DUOX2: variants seen among roughly 807,000 people sequenced by gnomAD.
DUOX2 encodes the protein NADH/NADPH thyroid oxidase p138-tox.
DUOX2 carries 185 observed loss-of-function variants against 183.3 expected under a neutral mutation model. That is an observed-to-expected ratio of 1.01 (90% CI 0.90 to 1.14). The LOEUF (loss-of-function observed/expected upper bound fraction) is 1.14, where lower values mean the gene tolerates loss of function less well. Ranked by LOEUF, DUOX2 falls within the 50% of genes most tolerant of loss-of-function variation. The pLI is 0.00. For synonymous variants in DUOX2, 788 were observed against 812.4 expected, an observed-to-expected ratio of 0.97 and a Z score of 0.51; for missense variants, 1,999 against 2,022.9, an observed-to-expected ratio of 0.99 and a Z score of 0.23.
chr15:45,107,063 ATC>A, intron 14 of DUOX2, 94 bp from the exon 15 acceptor site: 4 of 1,528,300 alleles, frequency 2.6e-6, no homozygotes, highest in Non-Finnish European at 3.6e-6. Context: ...CCAAGGTATC[ATC>A]TGTCTTCCCC....
intron 32 of DUOX2, 45 bp downstream of exon 32, chr15:45,094,891 T>C: frequency 3.7e-6 from 6 of 1,611,772 alleles, no homozygotes; most frequent in Non-Finnish European, 5.1e-6. Flanking sequence ...ACGCTGCCAA[T>C]CCATCTGCCC....
rs1411636626 is a variant in DUOX2 at position 45,106,901 on chromosome 15, G to C, written c.1762C>G (p.Leu588Val). 1 of 1,583,862 alleles carries C rather than the reference G, an allele frequency of 6.3e-7. No individual in the cohort carries two copies. Among genetic ancestry groups the C allele is most frequent in the Admixed American group, 1.9e-5 (1 of 53,330 alleles). ...GLPQCAPLTV[L>V]DFFEGSSPGF... The stretch of plus-strand genomic sequence containing the variant: ...GGGCTGCTGCCTTCAAAGAAGTCAA[G>C]CACAGTCAGGGGTGCACACTGGGGC... Residue 588 changes from leucine (L) to valine (V), a missense_variant, in exon 15 of 34, where the codon CTT (leucine) becomes GTT (valine). Physicochemically the swap from Leu to Val is conservative, Grantham distance 32 (BLOSUM62 1). This residue lies in a region of DUOX2 where 1,628 missense variants were observed against 1,608.6 expected (regional missense o/e 1.01). Coordinates refer to ENST00000389039, the MANE Select transcript of DUOX2 (RefSeq NM_001363711.2).
intron 22 of DUOX2, 78 bp from the exon 23 acceptor site, chr15:45,100,916 G>C: frequency 2.9e-6 from 3 of 1,020,284 alleles, no homozygotes; most frequent in Non-Finnish European, 4.6e-6. Context: ...GCATGGGGTA[G>C]AGGTAGGGAG....
In DUOX2 at chr15:45,099,864, G is replaced by A; in HGVS notation, c.3213C>T (p.Asp1071=). The change falls in exon 25 of 34, where the codon GAC becomes GAT. Residue 1071 remains aspartate, a synonymous_variant. Coordinates refer to ENST00000389039, the MANE Select transcript of DUOX2 (RefSeq NM_001363711.2). ...TGCCCACGAGGGTGGTCTGTGCAATGTCCGAGGGTGGCGAGGCAAAGCCAT... is the reference window on the plus strand; with the variant it reads ...TGCCCACGAGGGTGGTCTGTGCAATATCCGAGGGTGGCGAGGCAAAGCCAT... ...YYYGFASPPS[D]IAQTTLVGII... The A allele has an allele frequency of 6.2e-7, 1 of 1,614,148 alleles. No individual in the cohort carries two copies. The highest frequency in any genetic ancestry group is 8.5e-7 in the Non-Finnish European group (1 of 1,179,986).
Position 45,106,770 on chromosome 15 carries a change from C to A in DUOX2, c.1831+62G>T. On this transcript the variant is annotated intron_variant, in intron 15 of 33. Transcript: ENST00000389039. The stretch of plus-strand genomic sequence containing the variant: ...CTCAAACGGTACCAAATAGCCAGCC[C>A]CTCAGGCCAGCAGGAAATGAGGGGC... The A allele has an allele frequency of 6.3e-6, 10 of 1,599,692 alleles. No homozygotes were observed. In the South Asian group the frequency reaches 1.1e-4, roughly 18 times the overall value.
At chr15:45,110,788 TTCCG>T in intron 7 of DUOX2, 78 bp from the exon 8 acceptor site, 1 of 1,605,930 alleles carries the variant, frequency 6.2e-7, no homozygotes, top group African/African-American at 1.3e-5. Flanking sequence ...CAAGGACGGC[TTCCG>T]TGTGGAGATG....
intron 4 of DUOX2, 114 bp downstream of exon 4, chr15:45,112,440 G>A: frequency 1.5e-6 from 2 of 1,317,028 alleles, no homozygotes; most frequent in Non-Finnish European, 2.1e-6. Flanking sequence ...GCGTAGAGAG[G>A]AAGTGGTTGG....
chr15:45,099,462 CGTGGCCAGCACT>C lies in DUOX2; in HGVS notation c.3424_3435del (p.Ser1142_His1145del). 6.2e-7 allele frequency: 1 copy of C among 1,613,922 alleles called. No individual in the cohort carries two copies. Among genetic ancestry groups the C allele is most frequent in the Non-Finnish European group, 8.5e-7 (1 of 1,180,004 alleles). On this transcript the variant is annotated inframe_deletion, in exon 26 of 34. Transcript: ENST00000389039. ...ACTGAGAAGATGTAGACATTGACTG[CGTGGCCAGCACT>C]GTGCAAAACTGGAAGAGACAGACCC...
chr15:45,111,678 G>A (rs902756542), intron 5 of DUOX2, 90 bp downstream of exon 5: 6 of 1,443,548 alleles, frequency 4.2e-6, no homozygotes, highest in African/African-American at 3.0e-5. Flanking sequence ...TGGGGAGTGG[G>A]CGCCTCTCCC....
In DUOX2 at chr15:45,111,510, T is replaced by G; in HGVS notation, c.589A>C (p.Ser197Arg). Reference sequence around the variant, plus strand: ...GACGCCAGCTGTCCCCCCGAGAAGCTCCGCAGCGCGTCGCTCCAGGAGTGC... The same window carrying G: ...GACGCCAGCTGTCCCCCCGAGAAGCGCCGCAGCGCGTCGCTCCAGGAGTGC... ...SSHSWSDALR[S>R]FSGGQLASGP... The change falls in exon 6 of 34, where the codon AGC becomes CGC. Residue 197 changes from serine (S) to arginine (R), a missense_variant. Ser to Arg is a moderately radical substitution (Grantham distance 110). Coordinates refer to ENST00000389039, the MANE Select transcript of DUOX2 (RefSeq NM_001363711.2). The G allele has an allele frequency of 6.4e-7, 1 of 1,551,668 alleles. No individual in the cohort carries two copies. Among genetic ancestry groups the G allele is most frequent in the Non-Finnish European group, 8.7e-7 (1 of 1,151,316 alleles).
At chr15:45,101,343 C>A in intron 21 of DUOX2, 69 bp from the exon 22 acceptor site, 1 of 1,348,696 alleles carries the variant, frequency 7.4e-7, no homozygotes, top group East Asian at 2.3e-5. Flanking sequence ...GGAGACTGTG[C>A]CCTCCTCCCT....
chr15:45,112,858 A>G (rs1048764093), intron 3 of DUOX2, 129 bp downstream of exon 3: 9 of 1,546,318 alleles, frequency 5.8e-6, no homozygotes, highest in East Asian at 4.5e-5. Context: ...CCGGGAGCGC[A>G]TAAGATTGCG....
chr15:45,111,959 C>A lies in DUOX2; in HGVS notation c.326-4G>T. 1 of 1,613,204 alleles carries A rather than the reference C, an allele frequency of 6.2e-7. No individual in the cohort carries two copies. Reference sequence around the variant, plus strand: ...ACGTCGGAAAGAACATGGTAGCCTGCGGGCATGGGGCGCCAATACGTGACA... The same window carrying A: ...ACGTCGGAAAGAACATGGTAGCCTGAGGGCATGGGGCGCCAATACGTGACA... On this transcript the variant is annotated splice_polypyrimidine_tract_variant and splice_region_variant and intron_variant, in intron 4 of 33. Coordinates refer to ENST00000389039, the MANE Select transcript of DUOX2 (RefSeq NM_001363711.2).
At position 45,095,900 on chromosome 15, in the gene DUOX2, C is replaced by T. The variant is rs947907970; in HGVS notation, c.4008G>A (p.Val1336=). The change falls in exon 30 of 34, where the codon GTG becomes GTA. Residue 1336 remains valine, a synonymous_variant. Transcript: ENST00000389039. Reference sequence around the variant, plus strand: ...CCCTGAGGCGAGTGGTCCAGGGCCCCACTGCCCGGATGTGCAGGCTGAGTG... The same window carrying T: ...CCCTGAGGCGAGTGGTCCAGGGCCCTACTGCCCGGATGTGCAGGCTGAGTG... ...EDTLSLHIRA[V]GPWTTRLREI... is the part of the protein sequence containing the mutation. 5 of 1,613,912 alleles carry T rather than the reference C, an allele frequency of 3.1e-6. No individual in the cohort carries two copies. Among genetic ancestry groups the T allele is most frequent in the Non-Finnish European group, 3.4e-6 (4 of 1,179,972 alleles).
chr15:45,102,856 C>T (rs927462609), intron 20 of DUOX2, among the ~76,000 whole-genome samples: 1 of 152,210 alleles, frequency 6.6e-6, no homozygotes, highest in South Asian at 2.1e-4. Context: ...GTGGCACATG[C>T]CTGTAATTCC....
rs1410982787 is a variant in DUOX2, at chr15:45,094,669, T to G, written c.4418A>C (p.Gln1473Pro). 3 of 1,613,954 alleles carry G rather than the reference T, an allele frequency of 1.9e-6. No individual in the cohort carries two copies. The South Asian group carries it at 3.3e-5, about 18-fold the overall frequency. The change falls in exon 33 of 34, where the codon CAG becomes CCG. Residue 1473 changes from glutamine to proline, a missense_variant. Gln to Pro is a moderately conservative substitution (Grantham distance 76, BLOSUM62 -1). Transcript: ENST00000389039. ...TMLYICERHF[Q>P]KVLNRSLFTG... ...GAACAGACTCCGGTTCAGCACTTTC[T>G]GGAAGTGCCGCTCGCAGATGTACTG...
intron 19 of DUOX2, 28 bp from the exon 20 acceptor site, chr15:45,104,081 A>G: frequency 6.2e-7 from 1 of 1,614,174 alleles, no homozygotes; most frequent in Non-Finnish European, 8.5e-7. Context: ...AATGCAGGTC[A>G]TCTCCTTGCT....
chr15:45,103,857 C>T (rs1034506273), intron 20 of DUOX2, 103 bp downstream of exon 20: 1 of 1,226,686 alleles, frequency 8.2e-7, no homozygotes, highest in African/African-American at 1.5e-5. Context: ...CCTCTCAGCA[C>T]AGATGACCAC....
rs1411006109 is a variant in DUOX2, at chr15:45,092,870, A to G, written c.*1280T>C. 6.6e-6 allele frequency: 1 copy of G among 152,210 alleles called. No individual in the cohort carries two copies. The highest frequency in any genetic ancestry group is 1.5e-5 in the Non-Finnish European group (1 of 68,044). 9.4% of individuals were successfully genotyped at this position (152,210 alleles called of 1,614,324 possible). A position where few individuals can be genotyped will look rare whatever the true frequency, so the allele number is the denominator to read the frequency against. On this transcript the variant is annotated 3_prime_UTR_variant, in exon 34 of 34. Coordinates refer to ENST00000389039, the MANE Select transcript of DUOX2 (RefSeq NM_001363711.2). ...AGGCCAGTCTCAAAAGAGTATATTT[A>G]GTAGGACCAAAACTGGATTTGGTAG...
Sources: allele counts gnomAD v4.1 joint callset (sites outside exome capture counted in the v4.1 genomes callset), GRCh38; gene constraint gnomAD v4.1.1; regional missense constraint gnomAD v4.1.1; transcripts MANE v1.5; gene names NCBI Gene and HGNC (gene_info 2026-07-23, HGNC 2026-07-21).